SEMA5A: variants seen among roughly 807,000 people sequenced by gnomAD.
SEMA5A encodes the protein semaphorin-5A.
SEMA5A carries 55 observed loss-of-function variants against 135.5 expected under a neutral mutation model. That is an observed-to-expected ratio of 0.41 (90% confidence interval 0.33 to 0.51). The LOEUF (loss-of-function observed/expected upper bound fraction) is 0.51. Ranked by LOEUF, SEMA5A falls within the 20% of genes least tolerant of loss-of-function variation. The probability of loss-of-function intolerance (pLI) is 0.37; values close to 1 mark genes in which losing one functional copy is unlikely to be tolerated. For synonymous variants in SEMA5A, 580 were observed against 546.5 expected (o/e 1.06, Z -0.85); for missense variants, 1,290 against 1,419.9 (o/e 0.91, Z 1.47).
At chr5:9,235,276 G>A (rs147133411) in intron 6 of SEMA5A, among the ~76,000 whole-genome samples, 158 of 152,312 alleles carry the variant, frequency 1.0e-3, no homozygotes, top group African/African-American at 3.4e-3. Flanking sequence ...GATGAAATAT[G>A]AGAGGACTCT....
chr5:9,350,499 A>T (rs1168240834), intron 3 of SEMA5A, among the ~76,000 whole-genome samples: 1 of 152,208 alleles, frequency 6.6e-6, no homozygotes. Flanking sequence ...GATCCATGCC[A>T]GATAGTCTAC....
chr5:9,496,886 C>T (rs1162009718), intron 1 of SEMA5A, among the ~76,000 whole-genome samples: 1 of 152,212 alleles, frequency 6.6e-6, no homozygotes, highest in Non-Finnish European at 1.5e-5. Flanking sequence ...CACACACAAC[C>T]TGCTACCAGC....
chr5:9,284,758 C>A (rs1750711668), intron 5 of SEMA5A, among the ~76,000 whole-genome samples: 1 of 152,156 alleles, frequency 6.6e-6, no homozygotes, highest in South Asian at 2.1e-4. Flanking sequence ...TTTCTTCTTG[C>A]AGTTTTTAGC....
chr5:9,482,525 T>C (rs1759915244), intron 1 of SEMA5A, among the ~76,000 whole-genome samples: 1 of 152,176 alleles, frequency 6.6e-6, no homozygotes, highest in Non-Finnish European at 1.5e-5. Flanking sequence ...GTGATGTGGA[T>C]ACCACTCACT....
chr5:9,171,378 G>A (rs1300096512), intron 11 of SEMA5A, among the ~76,000 whole-genome samples: 1 of 152,146 alleles, frequency 6.6e-6, no homozygotes, highest in East Asian at 1.9e-4. Flanking sequence ...ACATCTGGAG[G>A]GCAGGAAAGG....
chr5:9,256,057 A>G (rs1749053123), intron 5 of SEMA5A, among the ~76,000 whole-genome samples: 1 of 152,170 alleles, frequency 6.6e-6, no homozygotes, highest in Non-Finnish European at 1.5e-5. Context: ...AAACTTTCCA[A>G]ATGCGTCCAT....
chr5:9,146,545 C>T (rs1742346614), intron 12 of SEMA5A, among the ~76,000 whole-genome samples: 1 of 152,092 alleles, frequency 6.6e-6, no homozygotes, highest in Admixed American at 6.5e-5. Flanking sequence ...TGGAGAGGAA[C>T]ATTAGGTGAG....
chr5:9,212,422 G>A (rs1746391509), intron 8 of SEMA5A, among the ~76,000 whole-genome samples: 1 of 152,184 alleles, frequency 6.6e-6, no homozygotes, highest in African/African-American at 2.4e-5. Flanking sequence ...TTTGGCACAG[G>A]AGAAAATATG....
intron 1 of SEMA5A, among the ~76,000 whole-genome samples, chr5:9,502,443 T>C (rs978403162): frequency 6.6e-6 from 1 of 152,190 alleles, no homozygotes; most frequent in African/African-American, 2.4e-5. Context: ...TGATTTGAAG[T>C]AGCTGAGACA....
intron 18 of SEMA5A, among the ~76,000 whole-genome samples, chr5:9,056,365 CTG>C (rs900685400): frequency 1.7e-4 from 26 of 152,296 alleles, no homozygotes; most frequent in African/African-American, 5.3e-4. Context: ...CCCTTATACA[CTG>C]TTGGTGGGAA....
At chr5:9,519,605 C>A (rs1448047311) in intron 1 of SEMA5A, among the ~76,000 whole-genome samples, 1 of 152,188 alleles carries the variant, frequency 6.6e-6, no homozygotes, top group Non-Finnish European at 1.5e-5. Context: ...CCCTCCATGT[C>A]TTAATAGAAG....
Position 9,212,848 on chromosome 5 carries a change from G to T in SEMA5A, c.647-10608C>A, listed in dbSNP as rs946514297. Among the ~76,000 whole-genome samples the T allele has an allele frequency of 1.1e-4, 17 of 152,164 alleles. 1 individual carries two copies. Among genetic ancestry groups the T allele is most frequent in the Non-Finnish European group, 4.4e-5 (3 of 68,040 alleles). Reference sequence around the variant, plus strand: ...CTTAAGGAATTCATAAAATAGTGGGGAAAACAAAGAAGTCAACTATCTACC... The same window carrying T: ...CTTAAGGAATTCATAAAATAGTGGGTAAAACAAAGAAGTCAACTATCTACC... On this transcript the variant is annotated intron_variant, in intron 8 of 22. Coordinates refer to ENST00000382496, the MANE Select transcript of SEMA5A (RefSeq NM_003966.3).
intron 1 of SEMA5A, among the ~76,000 whole-genome samples, chr5:9,497,317 T>G (rs1473174091): frequency 6.6e-6 from 1 of 152,220 alleles, no homozygotes; most frequent in East Asian, 1.9e-4. Flanking sequence ...TATCTTTTTA[T>G]TTTTAAAAAA....
rs968902776 is a variant in SEMA5A at position 9,113,785 on chromosome 5, A to C, written c.1925+5213T>G. Among the ~76,000 whole-genome samples the C allele has an allele frequency of 2.0e-5, 3 of 152,264 alleles. No homozygotes were observed. The East Asian group carries it at 5.8e-4, about 29-fold the overall frequency. On this transcript the variant is annotated intron_variant, in intron 15 of 22. Coordinates refer to ENST00000382496, the MANE Select transcript of SEMA5A (RefSeq NM_003966.3). ...ATACCTACTAGGATGGATAAAATTA[A>C]GGAAAAACAAAAGTAAATAAGAAGA...
intron 7 of SEMA5A, 34 bp from the exon 8 acceptor site, chr5:9,224,921 T>A: frequency 1.3e-6 from 2 of 1,580,808 alleles, no homozygotes; most frequent in Non-Finnish European, 1.7e-6. Context: ...AGCAGTTATC[T>A]CTGCACAAGC....
At chr5:9,403,936 C>CTGTT (rs150784854) in intron 2 of SEMA5A, among the ~76,000 whole-genome samples, 1 of 145,152 alleles carries the variant, frequency 6.9e-6, no homozygotes, top group Non-Finnish European at 1.6e-5. Flanking sequence ...GTTTGTTTGT[C>CTGTT]TGTTTGTTTG....
In SEMA5A at chr5:9,136,629, C is replaced by CA. The variant is rs755337135; in HGVS notation, c.1482-9dup. 9.4e-4 allele frequency: 1,511 copies of CA among 1,608,130 alleles called. 2 individuals are homozygous for CA. The highest frequency in any genetic ancestry group is 1.2e-3 in the Admixed American group (70 of 60,026). On this transcript the variant is annotated splice_polypyrimidine_tract_variant and intron_variant, in intron 12 of 22. Coordinates refer to ENST00000382496, the MANE Select transcript of SEMA5A (RefSeq NM_003966.3). ...TGGGCCCCAATGCAGGTGCTGGAAA[C>CA]ACACACCAAATGGTCAACAGAAAGG...
At chr5:9,351,218 T>C (rs1335969050) in intron 3 of SEMA5A, among the ~76,000 whole-genome samples, 1 of 152,136 alleles carries the variant, frequency 6.6e-6, no homozygotes, top group African/African-American at 2.4e-5. Context: ...AGCTTGAAAC[T>C]TCTTTACATG....
chr5:9,260,940 G>T (rs1749346651), intron 5 of SEMA5A, among the ~76,000 whole-genome samples: 1 of 93,338 alleles, frequency 1.1e-5, no homozygotes, highest in Non-Finnish European at 2.3e-5. Context: ...ATTAGGAAAA[G>T]AGGAAGTCAA....
Sources: allele counts gnomAD v4.1 joint callset (sites outside exome capture counted in the v4.1 genomes callset), GRCh38; gene constraint gnomAD v4.1.1; transcripts MANE v1.5; gene names NCBI Gene and HGNC (gene_info 2026-07-23, HGNC 2026-07-21).